Variants in ELF2 observed in about 807,000 individuals in gnomAD.
ELF2 encodes E74 like ETS transcription factor 2, also known as ETS-related transcription factor Elf-2.
ELF2 carries 11 observed loss-of-function variants against 54.8 expected under a neutral mutation model. That is an observed-to-expected ratio of 0.20 (90% confidence interval 0.13 to 0.33). The LOEUF is 0.33. Ranked by LOEUF, ELF2 falls within the 10% of genes least tolerant of loss-of-function variation. ELF2 has a pLI of 1.00. For missense variants in ELF2, 513 were observed against 703.0 expected, an observed-to-expected ratio of 0.73 and a Z score of 3.06; for synonymous variants, 203 against 245.1, an observed-to-expected ratio of 0.83 and a Z score of 1.61.
chr4:139,168,222 C>G (rs1025697149), intron 1 of ELF2, among the ~76,000 whole-genome samples: 3 of 152,312 alleles, frequency 2.0e-5, no homozygotes, highest in Admixed American at 2.0e-4. Context: ...AATAAGAAAA[C>G]AGATCACATG....
chr4:139,148,528 A>C (rs981238298), intron 1 of ELF2, among the ~76,000 whole-genome samples: 5 of 151,624 alleles, frequency 3.3e-5, no homozygotes, highest in African/African-American at 1.2e-4. Flanking sequence ...AAAGTTTTCA[A>C]GGTTCCTTTC....
intron 3 of ELF2, among the ~76,000 whole-genome samples, chr4:139,128,892 T>A (rs1737215229): frequency 6.6e-6 from 1 of 152,072 alleles, no homozygotes; most frequent in African/African-American, 2.4e-5. Context: ...GACTCATACA[T>A]TTATTATTAC....
chr4:139,152,747 G>A (rs938871944), intron 1 of ELF2, among the ~76,000 whole-genome samples: 2 of 151,920 alleles, frequency 1.3e-5, no homozygotes, highest in African/African-American at 4.8e-5. Flanking sequence ...TTTTAATAAT[G>A]AAATCAATGC....
At chr4:139,154,364 T>C (rs920400447) in intron 1 of ELF2, among the ~76,000 whole-genome samples, 5 of 152,144 alleles carry the variant, frequency 3.3e-5, no homozygotes, top group Non-Finnish European at 4.4e-5. Context: ...ATTCTTTACA[T>C]AAACTACCTG....
chr4:139,151,033 AAAGAAAGAAAGAAAGAAAG>A lies in ELF2; in HGVS notation c.-251-11555_-251-11537del, dbSNP rs1327934476. On this transcript the variant is annotated intron_variant, in intron 1 of 9. Transcript: ENST00000686138. The stretch of plus-strand genomic sequence containing the variant: ...AACGAGGCTCCATCTCAAAAAAAAA[AAAGAAAGAAAGAAAGAAAG>A]AAAGAAAGAAAGAAAGAAAGAAAGA... Among the ~76,000 whole-genome samples the A allele has an allele frequency of 9.0e-4, 26 of 28,926 alleles. 1 individual carries two copies. The highest frequency in any genetic ancestry group is 6.9e-3 in the East Asian group (13 of 1,894). 19.0% of individuals were successfully genotyped at this position (28,926 alleles called of 152,430 possible).
intron 4 of ELF2, among the ~76,000 whole-genome samples, chr4:139,094,866 GTGTTT>G (rs1250894641): frequency 2.0e-5 from 3 of 151,880 alleles, no homozygotes; most frequent in East Asian, 3.9e-4. Flanking sequence ...CTAGTAAAGG[GTGTTT>G]TGTTTTGTTT....
chr4:139,075,761 C>A (rs930051861), intron 4 of ELF2, among the ~76,000 whole-genome samples: 2 of 152,122 alleles, frequency 1.3e-5, no homozygotes, highest in Admixed American at 1.3e-4. Context: ...TTAAGGACAA[C>A]CCACTGACCT....
intron 3 of ELF2, among the ~76,000 whole-genome samples, chr4:139,136,039 T>C (rs2148858248): frequency 6.6e-6 from 1 of 152,326 alleles, no homozygotes; most frequent in East Asian, 1.9e-4. Context: ...GTGGCTCCCC[T>C]CATAAGGTTA....
chr4:139,137,333 A>G (rs1738287431), intron 3 of ELF2: 3 of 418,892 alleles, frequency 7.2e-6, no homozygotes, highest in East Asian at 8.5e-5. Context: ...ATCCAAGACA[A>G]TGGGTTTTAT....
intron 1 of ELF2, among the ~76,000 whole-genome samples, chr4:139,161,026 G>C (rs1190568513): frequency 6.6e-6 from 1 of 152,168 alleles, no homozygotes; most frequent in Non-Finnish European, 1.5e-5. Context: ...CTCTGTGTGT[G>C]TCTCCATGTG....
At chr4:139,164,145 G>GAGAA (rs1159247584) in intron 1 of ELF2, among the ~76,000 whole-genome samples, 2 of 144,144 alleles carry the variant, frequency 1.4e-5, no homozygotes, top group African/African-American at 5.1e-5. Flanking sequence ...AAAGAAGAGA[G>GAGAA]AGAAAGAAAG....
chr4:139,128,381 A>C (rs1560843390), intron 3 of ELF2, among the ~76,000 whole-genome samples: 1 of 152,228 alleles, frequency 6.6e-6, no homozygotes, highest in Non-Finnish European at 1.5e-5. Context: ...GAAGTTCTTT[A>C]ACTGAACTTT....
chr4:139,119,080 G>T (rs914863300), intron 4 of ELF2, among the ~76,000 whole-genome samples: 3 of 152,098 alleles, frequency 2.0e-5, no homozygotes, highest in African/African-American at 7.2e-5. Context: ...TATCATATTT[G>T]ACTACTCTTT....
In ELF2 at chr4:139,125,174, A is replaced by G. The variant is rs1464607508; in HGVS notation, c.228T>C (p.Asn76=). 5 of 1,607,298 alleles carry G rather than the reference A, an allele frequency of 3.1e-6. No individual in the cohort carries two copies. The Admixed American group carries it at 8.7e-5, about 28-fold the overall frequency. The change falls in exon 4 of 10, where the codon AAT becomes AAC. Residue 76 remains asparagine (N), a synonymous_variant. Coordinates refer to ENST00000686138, the MANE Select transcript of ELF2 (RefSeq NM_001331036.3). ...TTATGAGATGTCTACCTGTTTCCAC[A>G]TTCTCGGTCTCAACTTCTTGTTCTT... ...VAEEQEVETE[N]VETVEASVHS...
intron 1 of ELF2, among the ~76,000 whole-genome samples, chr4:139,151,080 GAAAGAAAGAAAGAAAA>G (rs1578935859): frequency 7.9e-6 from 1 of 126,500 alleles, no homozygotes; most frequent in African/African-American, 2.9e-5. Context: ...AAGAAAGAAA[GAAAGAAAGAAAGAAAA>G]AGAGAGCTAT....
At position 139,059,264 on chromosome 4, in the gene ELF2, T is replaced by C. The variant is rs773196383; in HGVS notation, c.1501A>G (p.Ile501Val). The C allele has an allele frequency of 1.9e-5, 30 of 1,613,826 alleles. 1 individual carries two copies. The highest frequency in any genetic ancestry group is 1.6e-4 in the Middle Eastern group (1 of 6,078). ...LAVRALTPVS[I>V]AHGTPVMRLS... ...CTCATTACAGGTGTACCATGGGCTA[T>C]TGAAACAGGGGTAAGTGCTCTCACA... Residue 501 changes from isoleucine (I) to valine (V), a missense_variant, in exon 10 of 10, where the codon ATA (isoleucine) becomes GTA (valine). By Grantham distance (29) the Ile-to-Val change is conservative. This residue lies in a region of ELF2 where 291 missense variants were observed against 366.1 expected (regional missense o/e 0.79). Transcript: ENST00000686138.
At chr4:139,164,516 A>G (rs1460966307) in intron 1 of ELF2, among the ~76,000 whole-genome samples, 1 of 152,152 alleles carries the variant, frequency 6.6e-6, no homozygotes, top group African/African-American at 2.4e-5. Flanking sequence ...ATGCACCTGT[A>G]GTCCCAGCTA....
At chr4:139,084,242 G>A in intron 4 of ELF2, 1 of 1,610,148 alleles carries the variant, frequency 6.2e-7, no homozygotes, top group Non-Finnish European at 8.5e-7. Flanking sequence ...ACCGTGAGCA[G>A]CGGCGGCAGG....
chr4:139,067,872 C>A, intron 6 of ELF2, 102 bp from the exon 7 acceptor site: 1 of 1,122,674 alleles, frequency 8.9e-7, no homozygotes, highest in Non-Finnish European at 1.3e-6. Flanking sequence ...TAAATGGATA[C>A]TAATTTGTAG....
Sources: gnomAD v4.1 joint callset for allele counts (sites outside exome capture counted in the v4.1 genomes callset) on GRCh38, gnomAD v4.1.1 for gene constraint, gnomAD v4.1.1 regional missense constraint, MANE v1.5 for transcripts, NCBI Gene and HGNC (gene_info 2026-07-23, HGNC 2026-07-21) for gene names.